Variants in CHCHD6 observed in about 807,000 individuals in gnomAD.
CHCHD6 encodes the protein coiled-coil-helix-coiled-coil-helix domain containing 6, also known as MICOS complex subunit MIC25.
In CHCHD6, 28 loss-of-function variants were observed where a neutral mutation model predicts 32.3. The observed-to-expected ratio is 0.87, with a 90% CI of 0.64 to 1.19. The LOEUF is 1.19. Ranked by LOEUF, CHCHD6 falls within the 50% of genes most tolerant of loss-of-function variation. The probability of loss-of-function intolerance (pLI) is 0.00; values close to 1 mark genes in which losing one functional copy is unlikely to be tolerated. For synonymous variants in CHCHD6, 122 were observed against 117.5 expected (o/e 1.04, Z -0.25); for missense variants, 333 against 307.0 (o/e 1.08, Z -0.63).
chr3:126,712,185 G>A (rs557962517), intron 1 of CHCHD6, among the ~76,000 whole-genome samples: 1 of 152,310 alleles, frequency 6.6e-6, no homozygotes, highest in East Asian at 1.9e-4. Context: ...CACTGTGTGT[G>A]AGAATGACAG....
At chr3:126,889,305 A>T (rs1367683308) in intron 5 of CHCHD6, among the ~76,000 whole-genome samples, 2 of 152,078 alleles carry the variant, frequency 1.3e-5, no homozygotes, top group Non-Finnish European at 2.9e-5. Flanking sequence ...CAGATGACTG[A>T]TGTGTCACTG....
At chr3:126,957,685 C>T (rs1263064580) in intron 7 of CHCHD6, 134 bp downstream of exon 7, 1 of 1,112,942 alleles carries the variant, frequency 9.0e-7, no homozygotes, top group Non-Finnish European at 1.3e-6. Flanking sequence ...TCTGCATTTG[C>T]CAAGGGAGGG....
At chr3:126,887,553 G>A (rs2077695502) in intron 5 of CHCHD6, among the ~76,000 whole-genome samples, 2 of 152,128 alleles carry the variant, frequency 1.3e-5, no homozygotes, top group African/African-American at 4.8e-5. Context: ...GCCCAAGAGG[G>A]CCCCAGAAAA....
intron 4 of CHCHD6, among the ~76,000 whole-genome samples, chr3:126,826,825 G>A (rs543270332): frequency 6.6e-6 from 1 of 152,168 alleles, no homozygotes; most frequent in Admixed American, 6.5e-5. Context: ...AACATCCACA[G>A]TGTGGCCAAT....
At chr3:126,826,002 C>G (rs1940377889) in intron 4 of CHCHD6, among the ~76,000 whole-genome samples, 1 of 152,234 alleles carries the variant, frequency 6.6e-6, no homozygotes, top group Non-Finnish European at 1.5e-5. Flanking sequence ...TATCATCCCA[C>G]AGGATGTCTC....
chr3:126,866,576 G>T (rs938288576), intron 5 of CHCHD6, among the ~76,000 whole-genome samples: 2 of 152,208 alleles, frequency 1.3e-5, no homozygotes, highest in Admixed American at 6.5e-5. Flanking sequence ...AAAGGCCTTG[G>T]CAGGCTAAAT....
intron 4 of CHCHD6, among the ~76,000 whole-genome samples, chr3:126,790,969 C>G (rs1297510878): frequency 6.6e-6 from 1 of 152,112 alleles, no homozygotes; most frequent in Non-Finnish European, 1.5e-5. Flanking sequence ...TACCTTTGGT[C>G]TTTGATGATA....
chr3:126,791,274 A>G (rs1938526775), intron 4 of CHCHD6, among the ~76,000 whole-genome samples: 1 of 151,988 alleles, frequency 6.6e-6, no homozygotes, highest in South Asian at 2.1e-4. Flanking sequence ...GCGGTCAGGG[A>G]CCCACTTGAG....
intron 6 of CHCHD6, among the ~76,000 whole-genome samples, chr3:126,936,820 A>G (rs1246442689): frequency 6.6e-6 from 1 of 152,148 alleles, no homozygotes; most frequent in Admixed American, 6.5e-5. Flanking sequence ...CTCCCAAAGT[A>G]CTGGGATTAC....
In CHCHD6 at chr3:126,813,532, AG is replaced by A. The variant is rs545944114; in HGVS notation, c.412-39113del. Among the ~76,000 whole-genome samples the A allele has an allele frequency of 3.7e-4, 57 of 152,346 alleles. 1 individual carries two copies. The South Asian group carries it at 0.012, about 31-fold the overall frequency. On this transcript the variant is annotated intron_variant, in intron 4 of 7. Transcript: ENST00000290913. ...ATCTGCTAGGTACTGGCCACTACTG[AG>A]GAGCTTTCACCCACATGAGCTCCTT...
chr3:126,791,885 A>G (rs1029247036), intron 4 of CHCHD6, among the ~76,000 whole-genome samples: 1 of 152,242 alleles, frequency 6.6e-6, no homozygotes, highest in Non-Finnish European at 1.5e-5. Context: ...TGCTGGGATT[A>G]TAGGCATGAG....
At chr3:126,759,006 CT>C (rs1239591595) in intron 4 of CHCHD6, among the ~76,000 whole-genome samples, 1 of 152,246 alleles carries the variant, frequency 6.6e-6, no homozygotes, top group Non-Finnish European at 1.5e-5. Context: ...TTCTCATTCT[CT>C]GCTACCTCTT....
intron 4 of CHCHD6, among the ~76,000 whole-genome samples, chr3:126,769,200 A>G (rs1937494555): frequency 6.6e-6 from 1 of 152,094 alleles, no homozygotes; most frequent in Non-Finnish European, 1.5e-5. Context: ...TTGATTTTGT[A>G]TGTATTGTAA....
Position 126,913,376 on chromosome 3 carries a change from C to T in CHCHD6, c.496-1304C>T, listed in dbSNP as rs549227447. Among the ~76,000 whole-genome samples, 37 of 151,688 alleles carry T rather than the reference C, an allele frequency of 2.4e-4. No individual in the cohort carries two copies. The East Asian group carries it at 5.2e-3, about 21-fold the overall frequency. ...TCCCAAGTAGCTGGGATTACAGGCA[C>T]CCGCCACCACACCCAGCTAATTTTT... On this transcript the variant is annotated intron_variant, in intron 5 of 7. Transcript: ENST00000290913.
At chr3:126,836,493 C>G (rs1278687121) in intron 4 of CHCHD6, among the ~76,000 whole-genome samples, 1 of 152,182 alleles carries the variant, frequency 6.6e-6, no homozygotes, top group East Asian at 1.9e-4. Flanking sequence ...CATCTGACAC[C>G]ACATTCACTC....
At chr3:126,772,773 A>C (rs1021702181) in intron 4 of CHCHD6, among the ~76,000 whole-genome samples, 6 of 152,116 alleles carry the variant, frequency 3.9e-5, no homozygotes, top group African/African-American at 1.4e-4. Flanking sequence ...ACTTGTCATC[A>C]TGTTATTAGC....
At chr3:126,883,676 C>T (rs555052314) in intron 5 of CHCHD6, among the ~76,000 whole-genome samples, 3 of 152,196 alleles carry the variant, frequency 2.0e-5, no homozygotes, top group Non-Finnish European at 4.4e-5. Flanking sequence ...TCACTCTGGG[C>T]CCCTGCTGCC....
At chr3:126,704,458 G>A in intron 1 of CHCHD6, 59 bp downstream of exon 1, 1 of 1,091,544 alleles carries the variant, frequency 9.2e-7, no homozygotes, top group South Asian at 2.0e-5. Flanking sequence ...GGGGGGAGGT[G>A]CGGGGCGGAG....
chr3:126,710,005 A>G (rs894191777), intron 1 of CHCHD6, among the ~76,000 whole-genome samples: 1 of 152,214 alleles, frequency 6.6e-6, no homozygotes, highest in African/African-American at 2.4e-5. Flanking sequence ...ACTGTCCTCA[A>G]TTCTGCCATT....
Sources: gnomAD v4.1 joint callset for allele counts (sites outside exome capture counted in the v4.1 genomes callset) on GRCh38, gnomAD v4.1.1 for gene constraint, MANE v1.5 for transcripts, NCBI Gene and HGNC (gene_info 2026-07-23, HGNC 2026-07-21) for gene names.